The following KDM5A variants were observed in gnomAD, a reference collection of about 807,000 sequenced individuals.
KDM5A encodes lysine-specific demethylase 5A.
In KDM5A, 42 loss-of-function variants were observed where a neutral mutation model predicts 193.5. That is an observed-to-expected ratio of 0.22 (90% CI 0.17 to 0.28). KDM5A has a LOEUF of 0.28. Among genes scored for constraint, KDM5A ranks in the 10% least tolerant of loss-of-function variants. The pLI is 1.00. For missense variants in KDM5A, 1,692 were observed against 2,055.1 expected (o/e 0.82, Z 3.42); for synonymous variants, 796 against 718.1 (o/e 1.11, Z -1.73).
chr12:295,775 T>C lies in KDM5A; in HGVS notation c.4253A>G (p.Lys1418Arg). 6.2e-7 allele frequency: 1 copy of C among 1,614,094 alleles called. No individual in the cohort carries two copies. Among genetic ancestry groups the C allele is most frequent in the Admixed American group, 1.7e-5 (1 of 60,018 alleles). ...CACCAAAGGGCTCTTCCGAGGTTGTTTCCTTGGGGTGCTAGAACCTTTCCC... is the reference window on the plus strand; with the variant it reads ...CACCAAAGGGCTCTTCCGAGGTTGTCTCCTTGGGGTGCTAGAACCTTTCCC... ...SCSQGSSTPR[K>R]QPRKSPLVPR... The change falls in exon 26 of 28, where the codon AAA becomes AGA. Residue 1418 changes from lysine to arginine, a missense_variant. Physicochemically the swap from Lys to Arg is conservative, Grantham distance 26. Transcript: ENST00000399788.
intron 14 of KDM5A, among the ~76,000 whole-genome samples, chr12:324,878 G>C (rs1003509642): frequency 8.4e-6 from 1 of 118,364 alleles, no homozygotes; most frequent in Non-Finnish European, 1.8e-5. Context: ...ATCTCAAAAA[G>C]AAAAAAAAAA....
chr12:375,082 T>C (rs902104553), intron 3 of KDM5A, among the ~76,000 whole-genome samples: 4 of 152,194 alleles, frequency 2.6e-5, no homozygotes, highest in Admixed American at 1.3e-4. Context: ...AGGAGTATCT[T>C]TGTGGCGTTC....
chr12:309,708 T>C (rs1048114397), intron 22 of KDM5A, 95 bp downstream of exon 22: 10 of 1,314,766 alleles, frequency 7.6e-6, no homozygotes, highest in African/African-American at 5.8e-5. Context: ...TATATGAAAA[T>C]AAAAAGTTAA....
chr12:361,419 C>A (rs1053193231), intron 5 of KDM5A, among the ~76,000 whole-genome samples: 1 of 152,182 alleles, frequency 6.6e-6, no homozygotes, highest in Admixed American at 6.5e-5. Flanking sequence ...TGGTCTTGAT[C>A]TCCTGAACTC....
intron 25 of KDM5A, among the ~76,000 whole-genome samples, chr12:296,003 T>C (rs1040848238): frequency 4.0e-5 from 6 of 151,720 alleles, no homozygotes; most frequent in Admixed American, 6.6e-5. Flanking sequence ...CTAAAAAAAA[T>C]GGTTTGGGGT....
rs757221474 is a variant in KDM5A, at chr12:384,106, A to G, written c.291T>C (p.Phe97=). 7 of 1,608,732 alleles carry G rather than the reference A, an allele frequency of 4.4e-6. No homozygotes were observed. The Admixed American group carries it at 1.0e-4, about 23-fold the overall frequency. Residue 97 remains phenylalanine (F), a synonymous_variant, in exon 3 of 28, where the codon TTT becomes TTC. Transcript: ENST00000399788. ...RLDFLDQLAK[F]WELQGSTLKI... is the part of the protein sequence containing the mutation. Reference sequence around the variant, plus strand: ...TCAGAGTAGATCCTTGAAGTTCCCAAAATTTTGCTAGTTGATCCAAGAAAT... The same window carrying G: ...TCAGAGTAGATCCTTGAAGTTCCCAGAATTTTGCTAGTTGATCCAAGAAAT...
At chr12:322,355 T>C in intron 17 of KDM5A, 62 bp downstream of exon 17, 3 of 1,535,754 alleles carry the variant, frequency 2.0e-6, no homozygotes, top group Non-Finnish European at 2.7e-6. Context: ...CGGATAAAAT[T>C]TTGGTTTTTA....
intron 3 of KDM5A, among the ~76,000 whole-genome samples, chr12:367,193 C>A: frequency 6.6e-6 from 1 of 152,142 alleles, no homozygotes; most frequent in Non-Finnish European, 1.5e-5. Flanking sequence ...GGGACTGTGA[C>A]ACAGTGTTCA....
chr12:382,550 AG>A (rs1298789097), intron 3 of KDM5A, among the ~76,000 whole-genome samples: 12 of 152,222 alleles, frequency 7.9e-5, no homozygotes, highest in Admixed American at 7.9e-4. Flanking sequence ...ATAAATTATA[AG>A]ATATGAAAGG....
chr12:287,020 C>T (rs1054405831), intron 27 of KDM5A, among the ~76,000 whole-genome samples: 6 of 152,006 alleles, frequency 3.9e-5, no homozygotes, highest in Non-Finnish European at 1.5e-5. Flanking sequence ...ACAAGATTAC[C>T]GAGAGGATCC....
chr12:338,997 T>C (rs1000339543), intron 10 of KDM5A, among the ~76,000 whole-genome samples: 1 of 152,104 alleles, frequency 6.6e-6, no homozygotes, highest in African/African-American at 2.4e-5. Context: ...CTGACCAACA[T>C]GGAGAAACCC....
intron 5 of KDM5A, among the ~76,000 whole-genome samples, chr12:356,746 A>C (rs1326951614): frequency 6.6e-6 from 1 of 152,058 alleles, no homozygotes; most frequent in African/African-American, 2.4e-5. Context: ...ACAAAATAAA[A>C]CTCGTGTATG....
chr12:320,111 G>T (rs1943698103), intron 18 of KDM5A, among the ~76,000 whole-genome samples: 1 of 152,218 alleles, frequency 6.6e-6, no homozygotes, highest in Non-Finnish European at 1.5e-5. Context: ...CAGCATTCAA[G>T]AAAGAGTAGT....
rs770730475 is a variant in KDM5A at position 365,985 on chromosome 12, A to G, written c.486T>C (p.Tyr162=). 13 of 1,613,988 alleles carry G rather than the reference A, an allele frequency of 8.1e-6. No homozygotes were observed. The highest frequency in any genetic ancestry group is 6.7e-5 in the East Asian group (3 of 44,884). ...GCTCATATGGGTAGAGAATTCTTTC[A>G]TAATGTGACTTCAAAAGAGACCCAG... ...KGTGSLLKSH[Y]ERILYPYELF... is the part of the protein sequence containing the mutation. The change falls in exon 4 of 28, where the codon TAT becomes TAC. Residue 162 remains tyrosine (Y), a synonymous_variant. Coordinates refer to ENST00000399788, the MANE Select transcript of KDM5A (RefSeq NM_001042603.3).
chr12:280,578 CA>C lies in KDM5A; in HGVS notation c.*4877del, dbSNP rs1943144832. ...ACATTTTCAGAAATGATCCGTCCTT[CA>C]TATCTGCATAAGCTGGGATCCTTGG... On this transcript the variant is annotated 3_prime_UTR_variant, in exon 28 of 28. Coordinates refer to ENST00000399788, the MANE Select transcript of KDM5A (RefSeq NM_001042603.3). 5 of 233,158 alleles carry C rather than the reference CA, an allele frequency of 2.1e-5. No homozygotes were observed. In the South Asian group the frequency reaches 9.1e-4, roughly 42 times the overall value. 14.4% of individuals were successfully genotyped at this position (233,158 alleles called of 1,614,324 possible).
At chr12:353,184 A>G (rs975194278) in intron 8 of KDM5A, among the ~76,000 whole-genome samples, 10 of 152,092 alleles carry the variant, frequency 6.6e-5, no homozygotes, top group Non-Finnish European at 1.2e-4. Flanking sequence ...CTCTACAAAA[A>G]ATACAAAAAT....
At chr12:387,226 C>CA (rs201508413) in intron 1 of KDM5A, 6,470 of 294,362 alleles carry the variant, frequency 0.022, 1 homozygote, top group South Asian at 0.033. Context: ...GTTGAGTAGT[C>CA]AAAAAAAAAA....
In KDM5A at chr12:389,004, T is replaced by C. The variant is rs186340808; in HGVS notation, c.88A>G (p.Thr30Ala). 1.6e-4 allele frequency: 259 copies of C among 1,613,602 alleles called. 1 individual carries two copies. The East Asian group carries it at 5.4e-3, about 34-fold the overall frequency. ...CGGCCGATAAAGCTGAGCGGATCTG[T>C]GAACTCCTCCCAACTCGGCTCAAAG... ...PVFEPSWEEF[T>A]DPLSFIGRIR... is the part of the protein sequence containing the mutation. Residue 30 changes from threonine to alanine, a missense_variant, in exon 1 of 28, where the codon ACA becomes GCA. Physicochemically the swap from Thr to Ala is moderately conservative, Grantham distance 58. This residue lies in a region of KDM5A where 84 missense variants were observed against 68.2 expected (regional missense o/e 1.23). Coordinates refer to ENST00000399788, the MANE Select transcript of KDM5A (RefSeq NM_001042603.3).
intron 3 of KDM5A, among the ~76,000 whole-genome samples, chr12:369,295 C>T (rs1944396663): frequency 6.6e-6 from 1 of 152,178 alleles, no homozygotes; most frequent in Non-Finnish European, 1.5e-5. Flanking sequence ...ATTAGAGTGC[C>T]TTTCATTCAA....
Sources: allele counts gnomAD v4.1 joint callset (sites outside exome capture counted in the v4.1 genomes callset), GRCh38; gene constraint gnomAD v4.1.1; regional missense constraint gnomAD v4.1.1; transcripts MANE v1.5; gene names NCBI Gene and HGNC (gene_info 2026-07-23, HGNC 2026-07-21).